The following FAIM2 variants were observed in gnomAD, a reference collection of about 807,000 sequenced individuals.
FAIM2 encodes protein lifeguard 2.
Under a neutral mutation model 47.4 loss-of-function variants are expected in FAIM2, and 27 were observed. The observed-to-expected ratio is 0.57, with a 90% CI of 0.42 to 0.78. The LOEUF (loss-of-function observed/expected upper bound fraction) is 0.78. Among genes scored for constraint, FAIM2 ranks in the 30% least tolerant of loss-of-function variants. FAIM2 has a pLI of 0.00. For missense variants in FAIM2, 311 were observed against 389.4 expected (o/e 0.80, Z 1.69); for synonymous variants, 156 against 159.3 (o/e 0.98, Z 0.16).
chr12:49,899,059 G>C (rs780644727), intron 2 of FAIM2, among the ~76,000 whole-genome samples: 4 of 152,078 alleles, frequency 2.6e-5, no homozygotes, highest in African/African-American at 7.2e-5. Flanking sequence ...ACGCAGGGGT[G>C]GATCCCTCCC....
In FAIM2 at chr12:49,869,027, G is replaced by A. The variant is rs1250282270; in HGVS notation, c.*1477C>T. 1 of 152,634 alleles carries A rather than the reference G, an allele frequency of 6.6e-6. No homozygotes were observed. Among genetic ancestry groups the A allele is most frequent in the South Asian group, 2.1e-4 (1 of 4,838 alleles). The allele number at this position is 152,634 out of a possible 1,614,324, so 9.5% of individuals were successfully genotyped here. A position where few individuals can be genotyped will look rare whatever the true frequency, so the allele number is the denominator to read the frequency against. The stretch of plus-strand genomic sequence containing the variant: ...AGCTCCCAGCACAGGGGAGAGAGAA[G>A]AGGAGGAGGGCGAAGCCAAGGGAGG... On this transcript the variant is annotated 3_prime_UTR_variant, in exon 12 of 12. Coordinates refer to ENST00000320634, the MANE Select transcript of FAIM2 (RefSeq NM_012306.4).
chr12:49,902,111 C>G (rs1376112487), intron 1 of FAIM2: 2 of 152,216 alleles, frequency 1.3e-5, no homozygotes, highest in Non-Finnish European at 2.9e-5. Context: ...GATGAGGAAA[C>G]TGAGGCTCAA....
In FAIM2 at chr12:49,897,036, T is replaced by C; in HGVS notation, c.429A>G (p.Ala143=). 6.2e-7 allele frequency: 1 copy of C among 1,612,658 alleles called. No homozygotes were observed. Among genetic ancestry groups the C allele is most frequent in the Non-Finnish European group, 8.5e-7 (1 of 1,178,650 alleles). ...GGGGACTGAGATATACTCACTAGGA[T>C]GCCCAGTACCAGCCTGGGTTGGCCT... ...YVQANPGWYW[A]SYAVFFATYL... is the part of the protein sequence containing the mutation. The change falls in exon 5 of 12, where the codon GCA becomes GCG. Residue 143 remains alanine, a synonymous_variant. Transcript: ENST00000320634.
rs987231181 is a variant in FAIM2, at chr12:49,867,270, C to T, written c.*3234G>A. 1 of 152,288 alleles carries T rather than the reference C, an allele frequency of 6.6e-6. No individual in the cohort carries two copies. Among genetic ancestry groups the T allele is most frequent in the African/African-American group, 2.4e-5 (1 of 41,426 alleles). 9.4% of individuals were successfully genotyped at this position (152,288 alleles called of 1,614,324 possible). A position where few individuals can be genotyped will look rare whatever the true frequency, so the allele number is the denominator to read the frequency against. On this transcript the variant is annotated 3_prime_UTR_variant, in exon 12 of 12. Transcript: ENST00000320634. ...CCTCGGTGACTCTCCCAAACCAGGC[C>T]CTGCGTTTCCTCAAGCAGCCACTGG...
intron 11 of FAIM2, among the ~76,000 whole-genome samples, chr12:49,879,656 G>A (rs1031524203): frequency 2.7e-5 from 4 of 150,338 alleles, no homozygotes; most frequent in Admixed American, 1.3e-4. Context: ...GCATGTGAAT[G>A]TGTATATGTG....
intron 1 of FAIM2, 55 bp downstream of exon 1, chr12:49,903,723 A>G (rs868410514): frequency 1.9e-6 from 3 of 1,549,838 alleles, no homozygotes; most frequent in Middle Eastern, 3.5e-4. Flanking sequence ...TGAGGATGAC[A>G]GGGAGCCGGG....
chr12:49,896,946 G>T (rs1592794233), intron 5 of FAIM2, 85 bp downstream of exon 5: 2 of 1,142,730 alleles, frequency 1.8e-6, no homozygotes, highest in East Asian at 2.3e-5. Flanking sequence ...TACGGGCTCA[G>T]ATTAGGTCAA....
At position 49,892,880 on chromosome 12, in the gene FAIM2, G is replaced by A. The variant is rs555223371; in HGVS notation, c.435-1766C>T. 1.5e-4 allele frequency among the ~76,000 whole-genome samples: 23 copies of A among 152,276 alleles called. No individual in the cohort carries two copies. In the South Asian group the frequency reaches 4.8e-3, roughly 32 times the overall value. On this transcript the variant is annotated intron_variant, in intron 5 of 11. Coordinates refer to ENST00000320634, the MANE Select transcript of FAIM2 (RefSeq NM_012306.4). ...GGGGAGCTCCCTGTCTCCCCTGCTC[G>A]GTCTCCTGCATTCCCTCCTGCAGAG...
At position 49,898,739 on chromosome 12, in the gene FAIM2, G is replaced by T. The variant is rs1201519380; in HGVS notation, c.212-649C>A. Among the ~76,000 whole-genome samples the T allele has an allele frequency of 9.2e-5, 14 of 152,134 alleles. No individual in the cohort carries two copies. In the East Asian group the frequency reaches 2.7e-3, roughly 29 times the overall value. On this transcript the variant is annotated intron_variant, in intron 2 of 11. Coordinates refer to ENST00000320634, the MANE Select transcript of FAIM2 (RefSeq NM_012306.4). ...GATGGGGTTTCACCATGTTGCCCAG[G>T]CTGGTCTTGAACTCCTGAGCCCAAG...
chr12:49,900,367 G>T, intron 2 of FAIM2: 1 of 363,552 alleles, frequency 2.8e-6, no homozygotes. Flanking sequence ...GGCCACAGGG[G>T]CTAAGGAGGA....
At position 49,869,027 on chromosome 12, in the gene FAIM2, G is replaced by C. The variant is rs1250282270; in HGVS notation, c.*1477C>G. On this transcript the variant is annotated 3_prime_UTR_variant, in exon 12 of 12. Transcript: ENST00000320634. Reference sequence around the variant, plus strand: ...AGCTCCCAGCACAGGGGAGAGAGAAGAGGAGGAGGGCGAAGCCAAGGGAGG... The same window carrying C: ...AGCTCCCAGCACAGGGGAGAGAGAACAGGAGGAGGGCGAAGCCAAGGGAGG... 1 of 152,634 alleles carries C rather than the reference G, an allele frequency of 6.6e-6. No individual in the cohort carries two copies. The highest frequency in any genetic ancestry group is 1.9e-4 in the East Asian group (1 of 5,210). 9.5% of individuals were successfully genotyped at this position (152,634 alleles called of 1,614,324 possible).
chr12:49,878,844 ATG>A lies in FAIM2; in HGVS notation c.802-8193_802-8192del, dbSNP rs1264562963. ...TGTATATGTGAGTGTATGTGTGTGC[ATG>A]TGTGTATGTGTGTGTCTGTGCATGT... On this transcript the variant is annotated intron_variant, in intron 11 of 11. Coordinates refer to ENST00000320634, the MANE Select transcript of FAIM2 (RefSeq NM_012306.4). Among the ~76,000 whole-genome samples, 24 of 56,226 alleles carry A rather than the reference ATG, an allele frequency of 4.3e-4. 4 individuals are homozygous for A. Among genetic ancestry groups the A allele is most frequent in the African/African-American group, 2.5e-3 (22 of 8,928 alleles). 36.9% of individuals were successfully genotyped at this position (56,226 alleles called of 152,430 possible).
At chr12:49,889,002 G>GCCTT in intron 10 of FAIM2, 105 bp downstream of exon 10, 1 of 810,524 alleles carries the variant, frequency 1.2e-6, no homozygotes, top group East Asian at 2.7e-5. Flanking sequence ...AGGCTGTGGG[G>GCCTT]CCTTGGCTCC....
chr12:49,890,011 C>A, intron 8 of FAIM2, 106 bp downstream of exon 8: 1 of 1,149,450 alleles, frequency 8.7e-7, no homozygotes. Context: ...CCCCCGGGCC[C>A]ATCCACATGC....
At chr12:49,901,421 G>T in intron 1 of FAIM2, 96 bp from the exon 2 acceptor site, 2 of 972,218 alleles carry the variant, frequency 2.1e-6, no homozygotes, top group Non-Finnish European at 2.9e-6. Flanking sequence ...GAACTTTCAT[G>T]GTTCCTTCCT....
chr12:49,886,914 C>A (rs1441226015), intron 11 of FAIM2, among the ~76,000 whole-genome samples: 1 of 152,184 alleles, frequency 6.6e-6, no homozygotes, highest in African/African-American at 2.4e-5. Flanking sequence ...TAATCATCAT[C>A]ATCAACATTC....
chr12:49,891,853 C>T (rs1008143277), intron 5 of FAIM2, among the ~76,000 whole-genome samples: 2 of 152,118 alleles, frequency 1.3e-5, no homozygotes, highest in African/African-American at 4.8e-5. Flanking sequence ...CCAGAGATAG[C>T]GATGGAGGAT....
intron 11 of FAIM2, among the ~76,000 whole-genome samples, chr12:49,881,599 G>A (rs1039877981): frequency 6.6e-6 from 1 of 152,074 alleles, no homozygotes; most frequent in Non-Finnish European, 1.5e-5. Context: ...CGCCAGCCCC[G>A]CCCGACCCTC....
intron 5 of FAIM2, among the ~76,000 whole-genome samples, chr12:49,895,007 C>G (rs1946926017): frequency 6.6e-6 from 1 of 152,016 alleles, no homozygotes; most frequent in South Asian, 2.1e-4. Flanking sequence ...TACCAGGACT[C>G]AGACACGAGG....
Sources: gnomAD v4.1 joint callset for allele counts (sites outside exome capture counted in the v4.1 genomes callset) on GRCh38, gnomAD v4.1.1 for gene constraint, MANE v1.5 for transcripts, NCBI Gene and HGNC (gene_info 2026-07-23, HGNC 2026-07-21) for gene names.